The following LDLRAD4 variants were observed in gnomAD, a reference collection of about 807,000 sequenced individuals.
LDLRAD4 encodes low-density lipoprotein receptor class A domain-containing protein 4.
Under a neutral mutation model 17.0 loss-of-function variants are expected in LDLRAD4, and 5 were observed. That is an observed-to-expected ratio of 0.29 (90% confidence interval 0.15 to 0.62). The LOEUF (loss-of-function observed/expected upper bound fraction) is 0.62, where lower values mean the gene tolerates loss of function less well. Among genes scored for constraint, LDLRAD4 ranks in the 20% least tolerant of loss-of-function variants. The probability of loss-of-function intolerance (pLI) is 0.84; values close to 1 mark genes in which losing one functional copy is unlikely to be tolerated. For missense variants in LDLRAD4, 340 were observed against 424.7 expected, an observed-to-expected ratio of 0.80 and a Z score of 1.75; for synonymous variants, 168 against 171.8, an observed-to-expected ratio of 0.98 and a Z score of 0.17.
intron 1 of LDLRAD4, among the ~76,000 whole-genome samples, chr18:13,239,269 C>T (rs2042505308): frequency 6.6e-6 from 1 of 151,462 alleles, no homozygotes; most frequent in South Asian, 2.1e-4. Context: ...GTTGGAGGGG[C>T]CTGGCGTTAG....
intron 3 of LDLRAD4, among the ~76,000 whole-genome samples, chr18:13,558,241 T>G (rs1040644668): frequency 6.6e-6 from 1 of 152,242 alleles, no homozygotes; most frequent in African/African-American, 2.4e-5. Context: ...TCCTCCATAG[T>G]TCCCAGTAGG....
chr18:13,456,303 C>A (rs995189552), intron 3 of LDLRAD4, among the ~76,000 whole-genome samples: 1 of 152,172 alleles, frequency 6.6e-6, no homozygotes, highest in African/African-American at 2.4e-5. Context: ...CCTTCCTGAG[C>A]GTGCCACATC....
intron 3 of LDLRAD4, among the ~76,000 whole-genome samples, chr18:13,447,590 G>A (rs190607906): frequency 3.3e-4 from 51 of 152,284 alleles, no homozygotes; most frequent in Non-Finnish European, 5.7e-4. Flanking sequence ...GCTTTCATGT[G>A]TGCGGGGCTG....
chr18:13,606,946 A>G (rs2095230484), intron 3 of LDLRAD4, among the ~76,000 whole-genome samples: 1 of 152,254 alleles, frequency 6.6e-6, no homozygotes. Context: ...ACATGTGGAG[A>G]TGTAGAATCT....
At chr18:13,610,743 G>T (rs150143780) in intron 3 of LDLRAD4, among the ~76,000 whole-genome samples, 1 of 152,160 alleles carries the variant, frequency 6.6e-6, no homozygotes, top group Non-Finnish European at 1.5e-5. Context: ...GACAAGGGGC[G>T]CTGGTAGCCA....
At chr18:13,423,361 C>G (rs190643345) in intron 2 of LDLRAD4, among the ~76,000 whole-genome samples, 2 of 151,882 alleles carry the variant, frequency 1.3e-5, no homozygotes, top group African/African-American at 4.8e-5. Context: ...GGCATGGTGG[C>G]GGGCTCCTGT....
chr18:13,463,085 C>T (rs1045126896), intron 3 of LDLRAD4, among the ~76,000 whole-genome samples: 155 of 152,278 alleles, frequency 1.0e-3, no homozygotes, highest in Non-Finnish European at 8.8e-4. Flanking sequence ...AGAATCTCCA[C>T]GAAACAATTG....
At chr18:13,543,778 G>A (rs2147977794) in intron 3 of LDLRAD4, among the ~76,000 whole-genome samples, 1 of 152,284 alleles carries the variant, frequency 6.6e-6, no homozygotes, top group African/African-American at 2.4e-5. Flanking sequence ...TATCTCCTCT[G>A]TGCCCTTGGG....
At chr18:13,640,809 G>A (rs1189246902) in intron 4 of LDLRAD4, among the ~76,000 whole-genome samples, 1 of 152,192 alleles carries the variant, frequency 6.6e-6, no homozygotes, top group Non-Finnish European at 1.5e-5. Flanking sequence ...CTGCCGACAG[G>A]CCGGATAAGG....
intron 3 of LDLRAD4, among the ~76,000 whole-genome samples, chr18:13,565,550 C>A (rs1231310568): frequency 6.6e-6 from 1 of 152,254 alleles, no homozygotes; most frequent in African/African-American, 2.4e-5. Context: ...CACAGCTGGA[C>A]CGTCCTGGCG....
At chr18:13,392,804 A>G (rs929498860) in intron 2 of LDLRAD4, among the ~76,000 whole-genome samples, 4 of 152,220 alleles carry the variant, frequency 2.6e-5, no homozygotes, top group African/African-American at 7.2e-5. Context: ...TCAAATTCCT[A>G]TAGAATTTAT....
chr18:13,511,760 C>T (rs879868514), intron 3 of LDLRAD4, among the ~76,000 whole-genome samples: 7 of 152,176 alleles, frequency 4.6e-5, no homozygotes, highest in Non-Finnish European at 1.0e-4. Context: ...AGCATTGGTT[C>T]TCCCTCGGGC....
At chr18:13,361,450 C>G (rs962383057) in intron 1 of LDLRAD4, among the ~76,000 whole-genome samples, 1 of 152,194 alleles carries the variant, frequency 6.6e-6, no homozygotes, top group Non-Finnish European at 1.5e-5. Context: ...CTGAGTACTT[C>G]TTGTTGCACC....
chr18:13,560,752 T>C (rs984525928), intron 3 of LDLRAD4, among the ~76,000 whole-genome samples: 1 of 152,132 alleles, frequency 6.6e-6, no homozygotes, highest in African/African-American at 2.4e-5. Flanking sequence ...GAATAATAAT[T>C]AAAGAAAACT....
At chr18:13,359,573 A>G (rs1037500428) in intron 1 of LDLRAD4, among the ~76,000 whole-genome samples, 2 of 151,996 alleles carry the variant, frequency 1.3e-5, no homozygotes, top group Admixed American at 6.5e-5. Flanking sequence ...TCCATTTGCT[A>G]TGTAATATTA....
intron 2 of LDLRAD4, among the ~76,000 whole-genome samples, chr18:13,399,153 C>T (rs1200147625): frequency 6.6e-6 from 1 of 151,718 alleles, no homozygotes; most frequent in Non-Finnish European, 1.5e-5. Flanking sequence ...GCTGTGGTCA[C>T]ACCATTGCAC....
intron 3 of LDLRAD4, among the ~76,000 whole-genome samples, chr18:13,579,677 A>G (rs1210695668): frequency 6.6e-6 from 1 of 152,238 alleles, no homozygotes; most frequent in Non-Finnish European, 1.5e-5. Context: ...CAAAGTCACC[A>G]AAGATTCTAT....
chr18:13,650,423 T>C, exon 6 of LDLRAD4: 1 of 398,636 alleles, frequency 2.5e-6, no homozygotes, highest in Non-Finnish European at 4.4e-6. Context: ...AGATTATATA[T>C]ACACTATCCG....
intron 1 of LDLRAD4, among the ~76,000 whole-genome samples, chr18:13,262,526 G>A (rs867340802): frequency 3.6e-4 from 48 of 133,996 alleles, no homozygotes; most frequent in South Asian, 1.6e-3. Context: ...GGCCCTGTGC[G>A]TGGAAACTGA....
Sources: gnomAD v4.1 joint callset for allele counts (sites outside exome capture counted in the v4.1 genomes callset) on GRCh38, gnomAD v4.1.1 for gene constraint, MANE v1.5 for transcripts, NCBI Gene and HGNC (gene_info 2026-07-23, HGNC 2026-07-21) for gene names.